Variants in OPN5 observed in about 807,000 individuals in gnomAD.
OPN5 encodes opsin-5.
OPN5 carries 18 observed loss-of-function variants against 41.7 expected under a neutral mutation model. The observed-to-expected ratio is 0.43, with a 90% CI of 0.30 to 0.64. The LOEUF is 0.64. OPN5 is among the 30% of genes least tolerant of loss of function. The probability of loss-of-function intolerance (pLI) is 0.13; values close to 1 mark genes in which losing one functional copy is unlikely to be tolerated. For missense variants in OPN5, 318 were observed against 434.5 expected, an observed-to-expected ratio of 0.73 and a Z score of 2.38; for synonymous variants, 178 against 164.3, an observed-to-expected ratio of 1.08 and a Z score of -0.64.
intron 4 of OPN5, among the ~76,000 whole-genome samples, chr6:47,803,613 G>A (rs575616265): frequency 6.6e-6 from 1 of 152,244 alleles, no homozygotes; most frequent in East Asian, 1.9e-4. Context: ...TATTGATGGG[G>A]AACTTATTTC....
chr6:47,782,568 G>A (rs1449831739), intron 1 of OPN5, among the ~76,000 whole-genome samples: 1 of 152,068 alleles, frequency 6.6e-6, no homozygotes, highest in Non-Finnish European at 1.5e-5. Context: ...ATAAGTTTTA[G>A]GTTGAGAATG....
intron 6 of OPN5, among the ~76,000 whole-genome samples, chr6:47,821,415 G>A (rs1762619764): frequency 6.6e-6 from 1 of 152,178 alleles, no homozygotes; most frequent in South Asian, 2.1e-4. Context: ...AAAAATTCTA[G>A]GAGGGTCTTC....
chr6:47,825,765 T>C (rs1357494144), downstream of OPN5: 1 of 152,172 alleles, frequency 6.6e-6, no homozygotes, highest in Non-Finnish European at 1.5e-5. Context: ...AAAGGCTTTA[T>C]GGGGAAGAAG....
chr6:47,790,518 C>T (rs760626477), intron 2 of OPN5, among the ~76,000 whole-genome samples: 1 of 152,174 alleles, frequency 6.6e-6, no homozygotes, highest in Non-Finnish European at 1.5e-5. Flanking sequence ...CTTCACCTCC[C>T]CCATCCTATT....
chr6:47,806,566 T>C (rs1391481706), intron 4 of OPN5, among the ~76,000 whole-genome samples: 1 of 152,172 alleles, frequency 6.6e-6, no homozygotes, highest in Non-Finnish European at 1.5e-5. Context: ...CTACCTTCTA[T>C]TTTTTTCTAC....
At chr6:47,800,863 A>G (rs1773744514) in intron 4 of OPN5, among the ~76,000 whole-genome samples, 1 of 152,236 alleles carries the variant, frequency 6.6e-6, no homozygotes, top group African/African-American at 2.4e-5. Flanking sequence ...CAATCCCAGA[A>G]GCATGAATTA....
chr6:47,813,486 G>A lies in OPN5; in HGVS notation c.1056+1755G>A, dbSNP rs73473745. On this transcript the variant is annotated intron_variant, in intron 6 of 6. Coordinates refer to ENST00000371211, the Ensembl canonical transcript of OPN5. ...AGGCGAGTGGTGGTGGTCAGAAGTG[G>A]AGCTGAGAGTGGTAGTCTGGCAGGA... Among the ~76,000 whole-genome samples the A allele has an allele frequency of 4.5e-3, 678 of 152,306 alleles. 5 individuals carry two copies. The highest frequency in any genetic ancestry group is 0.015 in the African/African-American group (643 of 41,574).
chr6:47,823,942 T>A (rs1421944128), intron 6 of OPN5, 41 bp from the exon 7 acceptor site: 1 of 1,508,484 alleles, frequency 6.6e-7, no homozygotes, highest in Non-Finnish European at 9.0e-7. Flanking sequence ...ACTTACTGGC[T>A]GTGTGCCTCA....
chr6:47,818,215 C>T (rs1762488224), intron 6 of OPN5, among the ~76,000 whole-genome samples: 1 of 152,058 alleles, frequency 6.6e-6, no homozygotes, highest in Non-Finnish European at 1.5e-5. Context: ...GGAAAAAGCA[C>T]CTAATCCATT....
chr6:47,807,119 T>G (rs1208822113), intron 4 of OPN5, among the ~76,000 whole-genome samples: 11 of 152,214 alleles, frequency 7.2e-5, no homozygotes, highest in Non-Finnish European at 1.3e-4. Flanking sequence ...ATTGCGCCAC[T>G]GCATTCCAGC....
chr6:47,795,690 G>T (rs999186743), intron 4 of OPN5, 127 bp downstream of exon 4: 4 of 648,452 alleles, frequency 6.2e-6, no homozygotes, highest in Non-Finnish European at 8.0e-6. Flanking sequence ...TCTGAACTTC[G>T]TTGATGATTG....
intron 6 of OPN5, among the ~76,000 whole-genome samples, chr6:47,814,801 A>G (rs1358994670): frequency 3.3e-5 from 5 of 152,174 alleles, no homozygotes; most frequent in Non-Finnish European, 7.4e-5. Context: ...TGGGAGGGTT[A>G]TGAGAAAGAC....
intron 4 of OPN5, among the ~76,000 whole-genome samples, chr6:47,800,591 C>T (rs1264357639): frequency 6.6e-6 from 1 of 152,214 alleles, no homozygotes; most frequent in Non-Finnish European, 1.5e-5. Context: ...TTTAGGTCTG[C>T]ACCTTAGCAG....
chr6:47,795,776 T>TCA (rs879658004), intron 4 of OPN5, among the ~76,000 whole-genome samples: 4,316 of 103,948 alleles, frequency 0.042, 100 homozygotes, highest in South Asian at 0.12. Context: ...TCTCTCTCTC[T>TCA]CTCACACACA....
At chr6:47,788,206 AT>A (rs1039572454) in intron 2 of OPN5, among the ~76,000 whole-genome samples, 9 of 152,192 alleles carry the variant, frequency 5.9e-5, no homozygotes, top group Non-Finnish European at 1.3e-4. Flanking sequence ...AATGGCTGCC[AT>A]TTTTACCTGT....
At chr6:47,803,727 T>C (rs1005396916) in intron 4 of OPN5, among the ~76,000 whole-genome samples, 3 of 152,194 alleles carry the variant, frequency 2.0e-5, no homozygotes, top group Non-Finnish European at 2.9e-5. Context: ...TTAGCTGAAG[T>C]CTTATTTGCA....
intron 2 of OPN5, chr6:47,787,283 G>C: frequency 4.3e-6 from 2 of 469,326 alleles, no homozygotes; most frequent in Non-Finnish European, 5.6e-6. Context: ...GAATCTACAG[G>C]TATGTTAATG....
At chr6:47,794,827 G>A (rs1286599359) in intron 3 of OPN5, 2 of 167,162 alleles carry the variant, frequency 1.2e-5, no homozygotes, top group Admixed American at 5.7e-5. Flanking sequence ...CAGGAAGGGC[G>A]TTTTAAAGAC....
intron 2 of OPN5, among the ~76,000 whole-genome samples, chr6:47,786,867 G>A (rs1349253777): frequency 6.6e-6 from 1 of 152,210 alleles, no homozygotes; most frequent in Non-Finnish European, 1.5e-5. Context: ...CATGTTAGAT[G>A]CTGAAGGCAC....
Sources: gnomAD v4.1 joint callset for allele counts (sites outside exome capture counted in the v4.1 genomes callset) on GRCh38, gnomAD v4.1.1 for gene constraint, MANE v1.5 for transcripts, NCBI Gene and HGNC (gene_info 2026-07-23, HGNC 2026-07-21) for gene names.